Variants in IQSEC3 observed in about 807,000 individuals in gnomAD.
IQSEC3 encodes the protein IQ motif and Sec7 domain ArfGEF 3.
In IQSEC3, 50 loss-of-function variants were observed where a neutral mutation model predicts 105.4. The observed-to-expected ratio is 0.47, with a 90% CI of 0.38 to 0.60. The LOEUF is 0.60. Among genes scored for constraint, IQSEC3 ranks in the 20% least tolerant of loss-of-function variants. The pLI is 0.00. For missense variants in IQSEC3, 1,415 were observed against 1,630.0 expected (o/e 0.87, Z 2.27); for synonymous variants, 708 against 746.0 (o/e 0.95, Z 0.83).
chr12:152,800 C>T lies in IQSEC3; in HGVS notation c.2154-4225C>T, dbSNP rs1029478601. Among the ~76,000 whole-genome samples, 6 of 152,174 alleles carry T rather than the reference C, an allele frequency of 3.9e-5. No individual in the cohort carries two copies. Among genetic ancestry groups the T allele is most frequent in the Non-Finnish European group, 5.9e-5 (4 of 68,044 alleles). Reference sequence around the variant, plus strand: ...AGCCTGCTCTCCCTAGCTGTGGGAGCATGGGGCCAGCCCTACGTGGCATTA... The same window carrying T: ...AGCCTGCTCTCCCTAGCTGTGGGAGTATGGGGCCAGCCCTACGTGGCATTA... On this transcript the variant is annotated intron_variant, in intron 5 of 13. Transcript: ENST00000538872. This position sits in a 1 kb window ranked among gnomAD's most constrained non-coding sequence, Gnocchi z 4.8.
At chr12:116,770 G>A (rs1030999200) in intron 2 of IQSEC3, among the ~76,000 whole-genome samples, 4 of 152,198 alleles carry the variant, frequency 2.6e-5, no homozygotes, top group Admixed American at 6.5e-5. Context: ...AGGCTCCCAC[G>A]AGGATGGCTG....
At chr12:145,978 G>A (rs1314697286) in intron 5 of IQSEC3, among the ~76,000 whole-genome samples, 1 of 152,174 alleles carries the variant, frequency 6.6e-6, no homozygotes, top group African/African-American at 2.4e-5. Context: ...AGCTTCCTGG[G>A]TGTTCCTTCC....
chr12:80,279 T>C (rs1555070425), intron 1 of IQSEC3, among the ~76,000 whole-genome samples: 1 of 152,220 alleles, frequency 6.6e-6, no homozygotes, highest in African/African-American at 2.4e-5. Context: ...GGTTCACTTT[T>C]GCTCCCCGGG....
chr12:174,146 G>T (rs922078240), intron 13 of IQSEC3, among the ~76,000 whole-genome samples: 2 of 152,158 alleles, frequency 1.3e-5, no homozygotes, highest in Non-Finnish European at 2.9e-5. Context: ...CTATAACAAG[G>T]CTGGAGGGAA....
At chr12:170,932 G>A (rs1156342173) in intron 12 of IQSEC3, among the ~76,000 whole-genome samples, 180 bp from the exon 13 acceptor site, 2 of 152,228 alleles carry the variant, frequency 1.3e-5, no homozygotes, top group African/African-American at 2.4e-5. Context: ...CCAGAGAGAT[G>A]TAGCATCTCG....
intron 1 of IQSEC3, among the ~76,000 whole-genome samples, chr12:81,642 C>T (rs1447154771): frequency 1.3e-5 from 2 of 152,038 alleles, no homozygotes; most frequent in East Asian, 1.9e-4. Flanking sequence ...TGACGGATGG[C>T]GTTTGAGACA....
At position 174,841 on chromosome 12, in the gene IQSEC3, C is replaced by G. The variant is rs1234233003; in HGVS notation, c.3357C>G (p.Ser1119=). The G allele has an allele frequency of 6.3e-7, 1 of 1,580,638 alleles. No homozygotes were observed. The highest frequency in any genetic ancestry group is 1.3e-5 in the African/African-American group (1 of 74,642). The change falls in exon 14 of 14, where the codon TCC becomes TCG. Residue 1119 remains serine (S), a synonymous_variant. Coordinates refer to ENST00000538872, the MANE Select transcript of IQSEC3 (RefSeq NM_001170738.2). ...AGCCCCTGCTGAGCCAGGCTCTCTC[C>G]TGCTACACCTCGTCGTCCTCTGACT... is the stretch of plus-strand genomic sequence containing the variant. ...RMEPLLSQAL[S]CYTSSSSDSC...
In IQSEC3 at chr12:125,013, C is replaced by G. The variant is rs188816801; in HGVS notation, c.624-620C>G. On this transcript the variant is annotated intron_variant, in intron 2 of 13. Transcript: ENST00000538872. ...GCCCCCACACCTGGAGTCCACCCCC[C>G]TGGAAAGGCTTATGCCCAAGCCAGG... is the stretch of plus-strand genomic sequence containing the variant. 7.2e-5 allele frequency among the ~76,000 whole-genome samples: 11 copies of G among 152,238 alleles called. No homozygotes were observed. The East Asian group carries it at 2.1e-3, about 29-fold the overall frequency.
intron 12 of IQSEC3, among the ~76,000 whole-genome samples, chr12:169,719 T>C (rs1401123033): frequency 6.6e-6 from 1 of 152,054 alleles, no homozygotes; most frequent in Non-Finnish European, 1.5e-5. Context: ...GCCCCAACCT[T>C]ACCCCACCTG....
At chr12:162,408 T>G (rs563682443) in intron 8 of IQSEC3, among the ~76,000 whole-genome samples, 1 of 152,078 alleles carries the variant, frequency 6.6e-6, no homozygotes, top group Non-Finnish European at 1.5e-5. Flanking sequence ...ATGGTCCTGA[T>G]GAGTGGAAGG....
At chr12:161,897 C>T (rs782360752) in intron 7 of IQSEC3, 29 bp from the exon 8 acceptor site, 1 of 1,558,420 alleles carries the variant, frequency 6.4e-7, no homozygotes. Flanking sequence ...CCAACCCCAC[C>T]ACCACCCCTG....
Position 94,771 on chromosome 12 carries a change from C to T in IQSEC3, c.555-4375C>T, listed in dbSNP as rs61908607. ...GGAGGAAGCCTCTGGGAAACAGGGG[C>T]AGGATCAGAACAGAGTCCCCCCAGG... On this transcript the variant is annotated intron_variant, in intron 1 of 13. Coordinates refer to ENST00000538872, the MANE Select transcript of IQSEC3 (RefSeq NM_001170738.2). Among the ~76,000 whole-genome samples, 650 of 152,366 alleles carry T rather than the reference C, an allele frequency of 4.3e-3. 3 individuals carry two copies. Among genetic ancestry groups the T allele is most frequent in the Middle Eastern group, 0.02 (6 of 294 alleles).
intron 2 of IQSEC3, among the ~76,000 whole-genome samples, chr12:109,993 A>G (rs1864825332): frequency 6.6e-6 from 1 of 152,174 alleles, no homozygotes; most frequent in South Asian, 2.1e-4. Flanking sequence ...TCGAAACAAC[A>G]AAGATTCAGC....
At position 138,396 on chromosome 12, in the gene IQSEC3, A is replaced by C. The variant is rs1565424982; in HGVS notation, c.1033A>C (p.Ser345Arg). 6.2e-7 allele frequency: 1 copy of C among 1,610,224 alleles called. No homozygotes were observed. The highest frequency in any genetic ancestry group is 8.5e-7 in the Non-Finnish European group (1 of 1,179,782). Reference protein sequence around the residue: ...FEKIRNSLLESRLPRRISLRK... With the variant: ...FEKIRNSLLERRLPRRISLRK... ...GAAAATCCGCAACTCGCTTCTGGAG[A>C]GCCGCCTGCCACGGCGGATCTCCCT... The change falls in exon 4 of 14, where the codon AGC (serine) becomes CGC (arginine). Residue 345 changes from serine to arginine, a missense_variant. Coordinates refer to ENST00000538872, the MANE Select transcript of IQSEC3 (RefSeq NM_001170738.2). The surrounding 1 kb of genome is among the most constrained non-coding windows in gnomAD (Gnocchi z 7.1).
rs929571016 is a variant in IQSEC3, at chr12:175,463, C to T, written c.*430C>T. Reference sequence around the variant, plus strand: ...GGAGCACTAGACAGAGTGGCTGGCTCGCAGCCCAGAACTAGTGCCTCTGTA... The same window carrying T: ...GGAGCACTAGACAGAGTGGCTGGCTTGCAGCCCAGAACTAGTGCCTCTGTA... On this transcript the variant is annotated 3_prime_UTR_variant, in exon 14 of 14. Transcript: ENST00000538872. 5.5e-5 allele frequency: 9 copies of T among 163,890 alleles called. No individual in the cohort carries two copies. The highest frequency in any genetic ancestry group is 1.9e-4 in the Admixed American group (3 of 15,932). The allele number at this position is 163,890 out of a possible 1,614,324, so 10.2% of individuals were successfully genotyped here. A position where few individuals can be genotyped will look rare whatever the true frequency, so the allele number is the denominator to read the frequency against.
chr12:104,541 T>C lies in IQSEC3; in HGVS notation c.623+5327T>C, dbSNP rs573037816. Among the ~76,000 whole-genome samples, 452 of 150,182 alleles carry C rather than the reference T, an allele frequency of 3.0e-3. 2 individuals carry two copies. Among genetic ancestry groups the C allele is most frequent in the African/African-American group, 9.9e-3 (408 of 41,258 alleles). On this transcript the variant is annotated intron_variant, in intron 2 of 13. Coordinates refer to ENST00000538872, the MANE Select transcript of IQSEC3 (RefSeq NM_001170738.2). ...ATTTTTCTCTGCGTTGGGTTTTACG[T>C]CCTTCCCACGCCCATTTTAAAAAAA...
chr12:101,891 A>G (rs1231100119), intron 2 of IQSEC3, among the ~76,000 whole-genome samples: 2 of 151,998 alleles, frequency 1.3e-5, no homozygotes, highest in African/African-American at 4.8e-5. Context: ...CGATTCCTTC[A>G]CCAAACCTCA....
Position 177,647 on chromosome 12 carries a change from C to T in IQSEC3, c.*2614C>T, listed in dbSNP as rs922896348. The T allele has an allele frequency of 6.6e-6, 1 of 152,464 alleles. No individual in the cohort carries two copies. The highest frequency in any genetic ancestry group is 1.5e-5 in the Non-Finnish European group (1 of 68,166). The allele number at this position is 152,464 out of a possible 1,614,324, so 9.4% of individuals were successfully genotyped here. The stretch of plus-strand genomic sequence containing the variant: ...ACACCCCTGAGGGCCTGGGGCAGGA[C>T]ACAGCTGGCCCTCCTCATTGTCAGG... On this transcript the variant is annotated 3_prime_UTR_variant, in exon 14 of 14. Coordinates refer to ENST00000538872, the MANE Select transcript of IQSEC3 (RefSeq NM_001170738.2). This position sits in a 1 kb window ranked among gnomAD's most constrained non-coding sequence, Gnocchi z 5.3.
chr12:94,098 G>A (rs1555074218), intron 1 of IQSEC3, among the ~76,000 whole-genome samples: 1 of 152,214 alleles, frequency 6.6e-6, no homozygotes, highest in Non-Finnish European at 1.5e-5. Context: ...CATTCTCCTA[G>A]CTGGTGGACT....
Sources: allele counts gnomAD v4.1 joint callset (sites outside exome capture counted in the v4.1 genomes callset), GRCh38; gene constraint gnomAD v4.1.1; non-coding constraint Gnocchi (gnomAD v3.1); transcripts MANE v1.5; gene names NCBI Gene and HGNC (gene_info 2026-07-23, HGNC 2026-07-21).